The following CABIN1 variants were observed in gnomAD, a reference collection of about 807,000 sequenced individuals.
The protein encoded by CABIN1 is calcineurin-binding protein cabin-1.
CABIN1 carries 133 observed loss-of-function variants against 227.7 expected under a neutral mutation model. The observed-to-expected ratio is 0.58, with a 90% CI of 0.51 to 0.67. The LOEUF (loss-of-function observed/expected upper bound fraction) is 0.67, where lower values mean the gene tolerates loss of function less well. Ranked by LOEUF, CABIN1 falls within the 30% of genes least tolerant of loss-of-function variation. The pLI is 0.00. For synonymous variants in CABIN1, 1,086 were observed against 1,155.1 expected (o/e 0.94, Z 1.21); for missense variants, 2,408 against 2,852.5 (o/e 0.84, Z 3.55).
chr22:24,097,875 A>G, intron 25 of CABIN1, 139 bp from the exon 26 acceptor site: 1 of 1,069,110 alleles, frequency 9.4e-7, no homozygotes, highest in Non-Finnish European at 1.4e-6. Context: ...GCTCTGTGAC[A>G]CCAGGCAGAT....
chr22:24,025,586 ATTCTTTTACCAAATATCAGCAG>A (rs1256479268), intron 1 of CABIN1, among the ~76,000 whole-genome samples: 2 of 152,192 alleles, frequency 1.3e-5, no homozygotes, highest in African/African-American at 2.4e-5. Context: ...GAGTCAAGTT[ATTCTTTTACCAAATATCAGCAG>A]CCTCTGCTCA....
At chr22:24,046,360 C>T (rs907288945) in intron 6 of CABIN1, among the ~76,000 whole-genome samples, 4 of 152,256 alleles carry the variant, frequency 2.6e-5, no homozygotes, top group African/African-American at 9.6e-5. Context: ...CATATGCACT[C>T]GTTCTGTAGG....
chr22:24,163,648 C>T (rs1259614588), intron 29 of CABIN1, among the ~76,000 whole-genome samples: 1 of 152,210 alleles, frequency 6.6e-6, no homozygotes, highest in East Asian at 1.9e-4. Flanking sequence ...CCTGTTTCCT[C>T]ATCACTCACT....
chr22:24,138,754 C>T (rs1370528745), intron 29 of CABIN1, among the ~76,000 whole-genome samples: 1 of 152,176 alleles, frequency 6.6e-6, no homozygotes, highest in Non-Finnish European at 1.5e-5. Flanking sequence ...TCCTCTTTGG[C>T]CTTTTATGGA....
At position 24,083,507 on chromosome 22, in the gene CABIN1, A is replaced by G. The variant is rs149103667; in HGVS notation, c.2910+118A>G. On this transcript the variant is annotated intron_variant, in intron 20 of 36. Transcript: ENST00000263119. ...TCCTGCTTGGAGTTGCATCAGAAGG[A>G]GGAGAGAAGACGGTCTGATGAGTGT... 1.5e-4 allele frequency: 171 copies of G among 1,131,358 alleles called. 2 individuals are homozygous for G. The African/African-American group carries it at 2.3e-3, about 15-fold the overall frequency. 70.1% of individuals were successfully genotyped at this position (1,131,358 alleles called of 1,614,324 possible). A position where few individuals can be genotyped will look rare whatever the true frequency, so the allele number is the denominator to read the frequency against.
At chr22:24,141,469 G>A (rs546730052) in intron 29 of CABIN1, among the ~76,000 whole-genome samples, 5 of 152,302 alleles carry the variant, frequency 3.3e-5, no homozygotes, top group East Asian at 1.9e-4. Context: ...CACCTGTGCC[G>A]GGGTCTCCAG....
chr22:24,106,383 C>T (rs1193461980), intron 26 of CABIN1, among the ~76,000 whole-genome samples: 1 of 152,236 alleles, frequency 6.6e-6, no homozygotes, highest in Non-Finnish European at 1.5e-5. Flanking sequence ...TGCCCCTCTT[C>T]AGGGGCCTCC....
At chr22:24,167,806 C>T (rs2046542450) in intron 32 of CABIN1, among the ~76,000 whole-genome samples, 1 of 152,302 alleles carries the variant, frequency 6.6e-6, no homozygotes, top group East Asian at 1.9e-4. Context: ...ACAGTATTCC[C>T]TCTAATCATG....
intron 5 of CABIN1, 66 bp from the exon 6 acceptor site, chr22:24,042,838 G>C (rs1236878471): frequency 1.4e-5 from 10 of 697,316 alleles, no homozygotes; most frequent in African/African-American, 1.3e-4. Flanking sequence ...GTGTGTGTGT[G>C]TGTGTGTGTG....
At chr22:24,087,852 T>C in intron 23 of CABIN1, 139 bp downstream of exon 23, 1 of 1,158,802 alleles carries the variant, frequency 8.6e-7, no homozygotes, top group Non-Finnish European at 1.2e-6. Flanking sequence ...AATCTCCCCA[T>C]GAGGCTTAAG....
Position 24,167,047 on chromosome 22 carries a change from G to A in CABIN1, c.5416G>A (p.Ala1806Thr), listed in dbSNP as rs1225925948. Residue 1806 changes from alanine to threonine, a missense_variant, in exon 32 of 37, where the codon GCC becomes ACC. This residue lies in a region of CABIN1 where 714 missense variants were observed against 773.8 expected (regional missense o/e 0.92). Transcript: ENST00000263119. The part of the protein sequence containing the change: ...ELSLEELSIS[A>T]RQQPTPLTPA... Reference sequence around the variant, plus strand: ...GTCCCTGGAGGAGCTGAGCATCAGTGCCCGGCAGCAGCCCACCCCGCTCAC... The same window carrying A: ...GTCCCTGGAGGAGCTGAGCATCAGTACCCGGCAGCAGCCCACCCCGCTCAC... 1 of 1,546,946 alleles carries A rather than the reference G, an allele frequency of 6.5e-7. No homozygotes were observed. The highest frequency in any genetic ancestry group is 8.7e-7 in the Non-Finnish European group (1 of 1,145,990).
chr22:24,144,699 G>A (rs538321278), intron 29 of CABIN1, among the ~76,000 whole-genome samples: 84 of 152,344 alleles, frequency 5.5e-4, no homozygotes, highest in African/African-American at 2.0e-3. Flanking sequence ...TGCCCCTCCT[G>A]CCCACCTCTC....
chr22:24,083,414 C>G, intron 20 of CABIN1, 25 bp downstream of exon 20: 2 of 1,613,246 alleles, frequency 1.2e-6, no homozygotes, highest in Non-Finnish European at 1.7e-6. Context: ...ATAGGCCCAA[C>G]AAAGAGGGAA....
chr22:24,170,754 C>CT (rs1433239068), intron 33 of CABIN1, among the ~76,000 whole-genome samples: 1 of 140,236 alleles, frequency 7.1e-6, no homozygotes, highest in Non-Finnish European at 1.5e-5. Context: ...AGCAAACTGC[C>CT]CCCCCCCCCG....
chr22:24,086,148 C>G (rs2041146205), intron 22 of CABIN1, among the ~76,000 whole-genome samples: 1 of 152,226 alleles, frequency 6.6e-6, no homozygotes, highest in African/African-American at 2.4e-5. Flanking sequence ...TGGCAGAGCC[C>G]TGGCCGTCCT....
At chr22:24,037,259 CA>C (rs71184942) in intron 3 of CABIN1, among the ~76,000 whole-genome samples, 1,212 of 52,614 alleles carry the variant, frequency 0.023, 4 homozygotes, top group Non-Finnish European at 0.03. Flanking sequence ...GACCCCGTCT[CA>C]AAAAAAAAAA....
In CABIN1 at chr22:24,167,067, G is replaced by T; in HGVS notation, c.5436G>T (p.Pro1812=). Residue 1812 remains proline, a synonymous_variant, in exon 32 of 37, where the codon CCG becomes CCT. Transcript: ENST00000263119. ...TCAGTGCCCGGCAGCAGCCCACCCC[G>T]CTCACCCCAGCCCAGCCAGCCCCCG... ...LSISARQQPT[P]LTPAQPAPAP... The T allele has an allele frequency of 1.3e-6, 2 of 1,544,428 alleles. No homozygotes were observed. The highest frequency in any genetic ancestry group is 1.7e-6 in the Non-Finnish European group (2 of 1,144,808).
At chr22:24,171,593 T>C (rs2046814888) in intron 33 of CABIN1, 120 bp from the exon 34 acceptor site, 1 of 1,164,896 alleles carries the variant, frequency 8.6e-7, no homozygotes, top group African/African-American at 1.5e-5. Context: ...ATATGGGCAG[T>C]GTTGGCAGCC....
At chr22:24,126,115 G>A (rs934722656) in intron 28 of CABIN1, among the ~76,000 whole-genome samples, 1 of 152,174 alleles carries the variant, frequency 6.6e-6, no homozygotes, top group Admixed American at 6.5e-5. Context: ...TTTGTGTTTC[G>A]TGTGCTCCCC....
Sources: allele counts gnomAD v4.1 joint callset (sites outside exome capture counted in the v4.1 genomes callset), GRCh38; gene constraint gnomAD v4.1.1; regional missense constraint gnomAD v4.1.1; transcripts MANE v1.5; gene names NCBI Gene and HGNC (gene_info 2026-07-23, HGNC 2026-07-21).